Variants in PAFAH2 observed in about 807,000 individuals in gnomAD.
The protein encoded by PAFAH2 is platelet activating factor acetylhydrolase 2.
In PAFAH2, 42 loss-of-function variants were observed where a neutral mutation model predicts 49.0. The ratio of observed to expected loss-of-function variants is 0.86; its 90% CI spans 0.67 to 1.11. The LOEUF is 1.11. Among genes scored for constraint, PAFAH2 ranks in the 50% least tolerant of loss-of-function variants. PAFAH2 has a pLI of 0.00. For missense variants in PAFAH2, 503 were observed against 501.8 expected, an observed-to-expected ratio of 1.00 and a Z score of -0.02; for synonymous variants, 184 against 181.3, an observed-to-expected ratio of 1.01 and a Z score of -0.12.
At position 25,983,982 on chromosome 1, in the gene PAFAH2, C is replaced by A. The variant is rs778943975; in HGVS notation, c.516G>T (p.Glu172Asp). 1 of 1,614,172 alleles carries A rather than the reference C, an allele frequency of 6.2e-7. No individual in the cohort carries two copies. Among genetic ancestry groups the A allele is most frequent in the East Asian group, 2.2e-5 (1 of 44,886 alleles). ...GAACATGAAATTCCTTCTCCCCTTC[C>A]TCAACTCGACGGAAAGGGATCCATT... ...QEEWIPFRRV[E>D]EGEKEFHVRN... is the part of the protein sequence containing the mutation. Residue 172 changes from glutamate to aspartate, a missense_variant, in exon 6 of 11, where the codon GAG (glutamate) becomes GAT (aspartate). Coordinates refer to ENST00000374282, the MANE Select transcript of PAFAH2 (RefSeq NM_000437.4).
intron 4 of PAFAH2, 133 bp downstream of exon 4, chr1:25,988,098 G>T: frequency 3.2e-6 from 2 of 630,128 alleles, no homozygotes; most frequent in Non-Finnish European, 2.8e-6. Flanking sequence ...CAATGCTATG[G>T]GACGAAGCAG....
At chr1:25,973,527 T>G (rs2049540969) in intron 9 of PAFAH2, among the ~76,000 whole-genome samples, 1 of 152,162 alleles carries the variant, frequency 6.6e-6, no homozygotes, top group African/African-American at 2.4e-5. Context: ...CCCCTGAGTG[T>G]ACCCCTTCCC....
intron 8 of PAFAH2, 34 bp from the exon 9 acceptor site, chr1:25,974,684 C>T (rs373614023): frequency 5.2e-5 from 83 of 1,589,394 alleles, no homozygotes; most frequent in African/African-American, 3.1e-4. Context: ...AATTGCCATG[C>T]GGATCCCAGG....
chr1:25,983,394 A>G (rs2049723476), intron 6 of PAFAH2, among the ~76,000 whole-genome samples: 1 of 151,910 alleles, frequency 6.6e-6, no homozygotes, highest in Non-Finnish European at 1.5e-5. Flanking sequence ...CAAAAAAATA[A>G]AAATAAAAAA....
At chr1:25,987,237 AAAAATAAAAT>A (rs59896051) in intron 4 of PAFAH2, among the ~76,000 whole-genome samples, 5,645 of 133,832 alleles carry the variant, frequency 0.042, 314 homozygotes, top group African/African-American at 0.13. Context: ...CTGTCTCAGA[AAAAATAAAAT>A]AAAATAAAAT....
At chr1:25,963,844 G>A (rs2049379764) in intron 10 of PAFAH2, among the ~76,000 whole-genome samples, 1 of 152,218 alleles carries the variant, frequency 6.6e-6, no homozygotes, top group East Asian at 1.9e-4. Flanking sequence ...GCCTCACTGA[G>A]AAGGTGAGAT....
intron 8 of PAFAH2, among the ~76,000 whole-genome samples, chr1:25,976,409 C>T (rs1324357412): frequency 2.0e-5 from 3 of 152,052 alleles, no homozygotes; most frequent in African/African-American, 4.8e-5. Context: ...CCTCCCAAAT[C>T]GCTGGGGTTA....
intron 4 of PAFAH2, among the ~76,000 whole-genome samples, chr1:25,986,581 G>A (rs1355724480): frequency 6.6e-6 from 1 of 152,060 alleles, no homozygotes; most frequent in Admixed American, 6.6e-5. Flanking sequence ...CAAGGCTGGA[G>A]TGCAATGGCA....
At chr1:25,989,789 T>C (rs2049847319) in intron 2 of PAFAH2, among the ~76,000 whole-genome samples, 188 bp from the exon 3 acceptor site, 1 of 152,242 alleles carries the variant, frequency 6.6e-6, no homozygotes, top group Non-Finnish European at 1.5e-5. Flanking sequence ...TTTTAGCATA[T>C]ATGTAAAGCT....
At chr1:25,972,751 C>A (rs1374050768) in intron 9 of PAFAH2, 39 bp from the exon 10 acceptor site, 2 of 1,612,042 alleles carry the variant, frequency 1.2e-6, no homozygotes, top group African/African-American at 2.7e-5. Context: ...GGTCTGGCGG[C>A]TAGGGCATAC....
chr1:25,986,811 G>A (rs1293667801), intron 4 of PAFAH2, among the ~76,000 whole-genome samples: 4 of 152,032 alleles, frequency 2.6e-5, no homozygotes, highest in Admixed American at 6.6e-5. Flanking sequence ...GATTACAGGC[G>A]TGAGCCACCG....
chr1:25,967,684 G>A (rs1297424921), intron 10 of PAFAH2, among the ~76,000 whole-genome samples: 3 of 152,194 alleles, frequency 2.0e-5, no homozygotes, highest in African/African-American at 7.2e-5. Context: ...CCTGGAGTGG[G>A]TTAAGAGGGA....
chr1:25,988,990 G>C lies in PAFAH2; in HGVS notation c.244+458C>G, dbSNP rs566255772. On this transcript the variant is annotated intron_variant, in intron 3 of 10. Transcript: ENST00000374282. Reference sequence around the variant, plus strand: ...TACTCAGAAGAGGGGTGACTGGAGGGAAAACTGCAGGAAACTGTACGCTCC... The same window carrying C: ...TACTCAGAAGAGGGGTGACTGGAGGCAAAACTGCAGGAAACTGTACGCTCC... Among the ~76,000 whole-genome samples, 139 of 152,152 alleles carry C rather than the reference G, an allele frequency of 9.1e-4. 2 individuals are homozygous for C. The highest frequency in any genetic ancestry group is 3.2e-3 in the African/African-American group (132 of 41,520).
Position 25,974,510 on chromosome 1 carries a change from T to C in PAFAH2, c.899A>G (p.Gln300Arg). The change falls in exon 9 of 11, where the codon CAG (glutamine) becomes CGG (arginine). Residue 300 changes from glutamine (Q) to arginine (R), a missense_variant. Physicochemically the swap from Gln to Arg is conservative, Grantham distance 43 (BLOSUM62 1). Transcript: ENST00000374282. ...SVNLMKKICAQHEQSRIITVL... is the reference protein window; with the variant it reads ...SVNLMKKICARHEQSRIITVL... ...GGTTATGATCCTAGACTGTTCATGC[T>C]GGGCACATATCTTCTTCATCAAATT... 1 of 1,614,080 alleles carries C rather than the reference T, an allele frequency of 6.2e-7. No homozygotes were observed. The highest frequency in any genetic ancestry group is 8.5e-7 in the Non-Finnish European group (1 of 1,179,962).
chr1:25,973,731 C>A (rs2049544045), intron 9 of PAFAH2, among the ~76,000 whole-genome samples: 1 of 152,214 alleles, frequency 6.6e-6, no homozygotes, highest in East Asian at 1.9e-4. Context: ...GGCACTTCAA[C>A]TACCCAGTGA....
At chr1:25,987,061 T>G (rs111423818) in intron 4 of PAFAH2, among the ~76,000 whole-genome samples, 1 of 150,264 alleles carries the variant, frequency 6.7e-6, no homozygotes, top group Non-Finnish European at 1.5e-5. Context: ...CTGGCTAACA[T>G]GGTGAAGCCC....
Position 25,983,562 on chromosome 1 carries a change from C to CAA in PAFAH2, c.552+382_552+383dup, listed in dbSNP as rs557514560. 3.1e-4 allele frequency among the ~76,000 whole-genome samples: 20 copies of CAA among 63,574 alleles called. 1 individual carries two copies. The highest frequency in any genetic ancestry group is 5.1e-4 in the Non-Finnish European group (13 of 25,288). The allele number at this position is 63,574 out of a possible 152,430, so 41.7% of individuals were successfully genotyped here. ...ACAGAGCAAGATCCTGTCTCAAAAACAAAAAAAAAAACAACTTATGGTTCT... is the reference window on the plus strand; with the variant it reads ...ACAGAGCAAGATCCTGTCTCAAAAACAAAAAAAAAAAAACAACTTATGGTTCT... On this transcript the variant is annotated intron_variant, in intron 6 of 10. Coordinates refer to ENST00000374282, the MANE Select transcript of PAFAH2 (RefSeq NM_000437.4).
chr1:25,962,209 G>A, intron 10 of PAFAH2, 126 bp from the exon 11 acceptor site: 1 of 683,866 alleles, frequency 1.5e-6, no homozygotes, highest in South Asian at 2.0e-5. Context: ...GACTGGTTTT[G>A]GTGGGGTTGT....
At position 25,973,494 on chromosome 1, in the gene PAFAH2, C is replaced by T. The variant is rs141307711; in HGVS notation, c.930-782G>A. 2.3e-3 allele frequency among the ~76,000 whole-genome samples: 347 copies of T among 152,312 alleles called. 2 individuals carry two copies. The highest frequency in any genetic ancestry group is 7.6e-3 in the African/African-American group (318 of 41,576). On this transcript the variant is annotated intron_variant, in intron 9 of 10. Coordinates refer to ENST00000374282, the MANE Select transcript of PAFAH2 (RefSeq NM_000437.4). ...AGTATCCAGCACTCAGTTGAATAAA[C>T]GATACATTGCCAGGCGTTAAGTCCC...
Sources: allele counts gnomAD v4.1 joint callset (sites outside exome capture counted in the v4.1 genomes callset), GRCh38; gene constraint gnomAD v4.1.1; transcripts MANE v1.5; gene names NCBI Gene and HGNC (gene_info 2026-07-23, HGNC 2026-07-21).